Variants in ADGRL2 observed in about 807,000 individuals in gnomAD.
ADGRL2 encodes the protein adhesion G protein-coupled receptor L2, also known as calcium-independent alpha-latrotoxin receptor 2.
A neutral mutation model predicts 157.4 loss-of-function variants in ADGRL2; 44 were observed. The ratio of observed to expected loss-of-function variants is 0.28; its 90% CI spans 0.22 to 0.36. ADGRL2 has a LOEUF of 0.36. ADGRL2 is among the 10% of genes least tolerant of loss of function. The pLI is 1.00. For missense variants in ADGRL2, 1,510 were observed against 1,768.9 expected, an observed-to-expected ratio of 0.85 and a Z score of 2.63; for synonymous variants, 585 against 624.7, an observed-to-expected ratio of 0.94 and a Z score of 0.95.
chr1:81,467,962 T>C (rs969526582), intron 2 of ADGRL2, among the ~76,000 whole-genome samples: 1 of 152,164 alleles, frequency 6.6e-6, no homozygotes, highest in Non-Finnish European at 1.5e-5. Flanking sequence ...AATTTAAATG[T>C]TTTTTCTAAA....
intron 1 of ADGRL2, among the ~76,000 whole-genome samples, chr1:81,826,447 C>T (rs183920497): frequency 6.6e-6 from 1 of 152,252 alleles, no homozygotes; most frequent in East Asian, 1.9e-4. Context: ...CTGGTACCAG[C>T]AGGAGATTTA....
Position 81,447,400 on chromosome 1 carries a change from C to A in ADGRL2, c.-248+2311C>A, listed in dbSNP as rs542161706. Among the ~76,000 whole-genome samples, 183 of 152,260 alleles carry A rather than the reference C, an allele frequency of 1.2e-3. 1 individual carries two copies. The highest frequency in any genetic ancestry group is 4.3e-3 in the African/African-American group (178 of 41,542). On this transcript the variant is annotated intron_variant, in intron 2 of 24. Transcript: ENST00000370721. ...ATTGTTTTATGTGAAAATATTTCAGCATGATTTTTCTGGCATCTTTGTGAT... is the reference window on the plus strand; with the variant it reads ...ATTGTTTTATGTGAAAATATTTCAGAATGATTTTTCTGGCATCTTTGTGAT...
At position 81,807,495 on chromosome 1, in the gene ADGRL2, G is replaced by T. The variant is rs576833141; in HGVS notation, c.-101+6427G>T. On this transcript the variant is annotated intron_variant, in intron 1 of 23. Coordinates refer to ENST00000686636, the MANE Select transcript of ADGRL2 (RefSeq NM_001366006.2). Reference sequence around the variant, plus strand: ...TGAGACTATTCTCTAAAATCTTTTTGCTGCCTAAGATGCTCTCAAAGATTG... The same window carrying T: ...TGAGACTATTCTCTAAAATCTTTTTTCTGCCTAAGATGCTCTCAAAGATTG... 2.7e-5 allele frequency among the ~76,000 whole-genome samples: 4 copies of T among 150,418 alleles called. No individual in the cohort carries two copies. In the South Asian group the frequency reaches 8.7e-4, roughly 33 times the overall value.
At chr1:81,855,973 G>A (rs768179898) in intron 2 of ADGRL2, among the ~76,000 whole-genome samples, 4 of 152,140 alleles carry the variant, frequency 2.6e-5, no homozygotes, top group African/African-American at 4.8e-5. Context: ...TAGTTTGTTC[G>A]TGGTAAGGGA....
At chr1:81,557,033 A>G (rs2080298097) in intron 2 of ADGRL2, 1 of 178,214 alleles carries the variant, frequency 5.6e-6, no homozygotes, top group Non-Finnish European at 1.2e-5. Flanking sequence ...AAAAAAAAAA[A>G]AAGAAAGAAA....
intron 2 of ADGRL2, among the ~76,000 whole-genome samples, chr1:81,859,059 C>G (rs1246907550): frequency 6.6e-6 from 1 of 152,064 alleles, no homozygotes; most frequent in Admixed American, 6.6e-5. Context: ...TTTGAACATT[C>G]AAATTATTTG....
chr1:81,884,585 A>G (rs747342427), intron 2 of ADGRL2, among the ~76,000 whole-genome samples: 2 of 152,184 alleles, frequency 1.3e-5, no homozygotes, highest in Non-Finnish European at 1.5e-5. Context: ...AACACTATGT[A>G]TCTGCTCTTT....
chr1:81,896,685 T>G (rs1348150980), intron 2 of ADGRL2, among the ~76,000 whole-genome samples: 2 of 152,112 alleles, frequency 1.3e-5, no homozygotes, highest in African/African-American at 4.8e-5. Flanking sequence ...TAGTAATAAA[T>G]AAAGCATAAA....
intron 3 of ADGRL2, among the ~76,000 whole-genome samples, chr1:81,621,581 A>C (rs1441598382): frequency 6.6e-6 from 1 of 152,162 alleles, no homozygotes. Context: ...GCTGGAAAGA[A>C]ATGAATTTTC....
In ADGRL2 at chr1:81,969,285, T is replaced by A. The variant is rs770818404; in HGVS notation, c.2631T>A (p.Arg877=). 3 of 1,613,982 alleles carry A rather than the reference T, an allele frequency of 1.9e-6. No homozygotes were observed. The highest frequency in any genetic ancestry group is 3.3e-5 in the Admixed American group (2 of 60,034). Reference sequence around the variant, plus strand: ...GCATCTTCACCTTCTGCTTTTTCCGTGGCCTACAGAGTGACCGAAATACTA... The same window carrying A: ...GCATCTTCACCTTCTGCTTTTTCCGAGGCCTACAGAGTGACCGAAATACTA... ...AICIFTFCFF[R]GLQSDRNTIH... The change falls in exon 15 of 24, where the codon CGT becomes CGA. Residue 877 remains arginine (R), a synonymous_variant. Transcript: ENST00000686636.
At chr1:81,597,515 G>A (rs537502682) in intron 3 of ADGRL2, among the ~76,000 whole-genome samples, 209 of 152,264 alleles carry the variant, frequency 1.4e-3, no homozygotes, top group African/African-American at 4.9e-3. Context: ...GCATGTGTAC[G>A]TATATTATCT....
intron 17 of ADGRL2, among the ~76,000 whole-genome samples, chr1:81,976,612 T>G (rs747440636): frequency 2.0e-5 from 3 of 151,958 alleles, no homozygotes; most frequent in Non-Finnish European, 4.4e-5. Context: ...CTTTAAAAAA[T>G]TTTGTTCTTA....
At chr1:81,581,604 G>T (rs887988621) in intron 3 of ADGRL2, among the ~76,000 whole-genome samples, 2 of 152,156 alleles carry the variant, frequency 1.3e-5, no homozygotes, top group South Asian at 4.1e-4. Context: ...GGATAACCAC[G>T]ACTTGATTAT....
chr1:81,388,517 T>G (rs2076478122), intron 1 of ADGRL2, among the ~76,000 whole-genome samples: 1 of 152,174 alleles, frequency 6.6e-6, no homozygotes, highest in Admixed American at 6.6e-5. Context: ...TTCTCACTCC[T>G]CATCCCACCT....
chr1:81,338,407 T>C (rs12133014), intron 1 of ADGRL2, among the ~76,000 whole-genome samples: 35,447 of 139,488 alleles, frequency 0.25, 4,510 homozygotes, highest in Middle Eastern at 0.38. Context: ...AAAAAACTAC[T>C]CTTAATATAC....
At chr1:81,908,457 T>C (rs975752356) in intron 3 of ADGRL2, among the ~76,000 whole-genome samples, 1 of 152,190 alleles carries the variant, frequency 6.6e-6, no homozygotes, top group Non-Finnish European at 1.5e-5. Context: ...TGGAATAATA[T>C]TCATTGTCTG....
intron 3 of ADGRL2, among the ~76,000 whole-genome samples, chr1:81,616,659 C>CTTTTA (rs2081654817): frequency 3.2e-5 from 3 of 94,764 alleles, no homozygotes; most frequent in South Asian, 3.4e-4. Context: ...TTTTTTTTTT[C>CTTTTA]TTTTCTTTTC....
chr1:81,749,035 A>G (rs995537696), intron 1 of ADGRL2, among the ~76,000 whole-genome samples: 5 of 152,168 alleles, frequency 3.3e-5, no homozygotes, highest in Non-Finnish European at 5.9e-5. Flanking sequence ...TACAATGAAA[A>G]TATTTTTTAA....
At chr1:81,348,043 T>A (rs1662604901) in intron 1 of ADGRL2, among the ~76,000 whole-genome samples, 2 of 152,160 alleles carry the variant, frequency 1.3e-5, no homozygotes, top group Non-Finnish European at 2.9e-5. Context: ...ACTTCCTCCT[T>A]TGTTTCAGCC....
Sources: allele counts gnomAD v4.1 joint callset (sites outside exome capture counted in the v4.1 genomes callset), GRCh38; gene constraint gnomAD v4.1.1; transcripts MANE v1.5; gene names NCBI Gene and HGNC (gene_info 2026-07-23, HGNC 2026-07-21).